The following CENPE variants were observed in gnomAD, a reference collection of about 807,000 sequenced individuals.
CENPE encodes centromere protein E.
Under a neutral mutation model 336.1 loss-of-function variants are expected in CENPE, and 145 were observed. That is an observed-to-expected ratio of 0.43 (90% CI 0.38 to 0.50). The LOEUF is 0.50. Among genes scored for constraint, CENPE ranks in the 20% least tolerant of loss-of-function variants. The pLI is 0.00. For missense variants in CENPE, 2,719 were observed against 3,023.3 expected, an observed-to-expected ratio of 0.90 and a Z score of 2.36; for synonymous variants, 1,013 against 984.8, an observed-to-expected ratio of 1.03 and a Z score of -0.54.
intron 16 of CENPE, among the ~76,000 whole-genome samples, chr4:103,168,778 A>G (rs1362207368): frequency 1.3e-5 from 2 of 152,182 alleles, no homozygotes; most frequent in Non-Finnish European, 2.9e-5. Context: ...ACCTAAAGAG[A>G]AAGGTGTCCA....
intron 16 of CENPE, among the ~76,000 whole-genome samples, chr4:103,167,521 C>G (rs1197638314): frequency 6.6e-6 from 1 of 151,948 alleles, no homozygotes; most frequent in South Asian, 2.1e-4. Context: ...AAAAAAAAAT[C>G]TTTAAGACAA....
intron 40 of CENPE, among the ~76,000 whole-genome samples, chr4:103,135,322 T>C (rs1276384027): frequency 2.6e-5 from 4 of 152,202 alleles, no homozygotes; most frequent in Admixed American, 2.0e-4. Context: ...TGTTCCATCA[T>C]AGGTATTTCA....
intron 8 of CENPE, among the ~76,000 whole-genome samples, chr4:103,188,062 T>A (rs199740467): frequency 6.6e-6 from 1 of 151,962 alleles, no homozygotes; most frequent in Non-Finnish European, 1.5e-5. Context: ...CATTACATAA[T>A]GGTAAAGGGA....
intron 15 of CENPE, 122 bp from the exon 16 acceptor site, chr4:103,175,025 C>A (rs1755737721): frequency 1.7e-6 from 1 of 582,380 alleles, no homozygotes; most frequent in East Asian, 3.5e-5. Flanking sequence ...TAAAGTTCTA[C>A]ATTTTGGCAA....
chr4:103,121,110 C>T (rs184911632), intron 43 of CENPE, among the ~76,000 whole-genome samples: 13 of 152,256 alleles, frequency 8.5e-5, no homozygotes, highest in African/African-American at 2.9e-4. Flanking sequence ...TAAGTCTCCC[C>T]ATCTCAGACC....
Position 103,146,091 on chromosome 4 carries a change from C to G in CENPE, c.4151G>C (p.Ser1384Thr), listed in dbSNP as rs761143187. Reference protein sequence around the residue: ...ETLAKIQESQSKQEQSLNMKE... With the variant: ...ETLAKIQESQTKQEQSLNMKE... ...CATATTTAAGGACTGTTCTTGTTTG[C>G]TTTGAGACTCCTGGATCTTAAGAGA... Residue 1384 changes from serine to threonine, a missense_variant, in exon 30 of 49, where the codon AGC becomes ACC. Around this residue, in one of 5 missense-constraint regions of CENPE, gnomAD observed 2,437 missense variants for 2,513.3 expected, o/e 0.97. Transcript: ENST00000265148. 1 of 1,612,980 alleles carries G rather than the reference C, an allele frequency of 6.2e-7. No individual in the cohort carries two copies. Among genetic ancestry groups the G allele is most frequent in the Non-Finnish European group, 8.5e-7 (1 of 1,179,654 alleles).
intron 45 of CENPE, among the ~76,000 whole-genome samples, chr4:103,115,451 C>T (rs1245101321): frequency 6.6e-6 from 1 of 152,046 alleles, no homozygotes; most frequent in Admixed American, 6.5e-5. Flanking sequence ...CCCTATTCTA[C>T]AAGTAAAATT....
chr4:103,122,097 G>A (rs1372963000), intron 43 of CENPE, among the ~76,000 whole-genome samples: 1 of 152,062 alleles, frequency 6.6e-6, no homozygotes, highest in Non-Finnish European at 1.5e-5. Context: ...TACTATATTG[G>A]TAGATGGATT....
chr4:103,149,959 A>G (rs1217002078), intron 26 of CENPE, among the ~76,000 whole-genome samples: 1 of 152,234 alleles, frequency 6.6e-6, no homozygotes, highest in African/African-American at 2.4e-5. Context: ...TGGCAGCCCT[A>G]GGAAACTGAT....
intron 24 of CENPE, among the ~76,000 whole-genome samples, chr4:103,156,136 C>T (rs1363077222): frequency 6.6e-6 from 1 of 152,080 alleles, no homozygotes; most frequent in East Asian, 1.9e-4. Context: ...GATTAGAAGA[C>T]AATATTTTTA....
intron 35 of CENPE, among the ~76,000 whole-genome samples, 164 bp from the exon 36 acceptor site, chr4:103,141,268 C>T (rs902161756): frequency 3.9e-5 from 6 of 152,086 alleles, no homozygotes; most frequent in Non-Finnish European, 7.4e-5. Flanking sequence ...ATATATAAAG[C>T]ATGCTCATCT....
chr4:103,159,068 A>T lies in CENPE; in HGVS notation c.2543T>A (p.Val848Asp). ...EENERMNQEI[V>D]NLSKEAQKFD... ...TTTTTGGGCTTCTTTAGAGAGATTA[A>T]CTATTTCCTGATTCATTCTCTCATT... Residue 848 changes from valine (V) to aspartate (D), a missense_variant, in exon 22 of 49, where the codon GTT (valine) becomes GAT (aspartate). By Grantham distance (152) the Val-to-Asp change is radical (BLOSUM62 -3). Around this residue, in one of 5 missense-constraint regions of CENPE, gnomAD observed 2,437 missense variants for 2,513.3 expected, o/e 0.97. Transcript: ENST00000265148. 6.4e-7 allele frequency: 1 copy of T among 1,557,772 alleles called. No individual in the cohort carries two copies. The highest frequency in any genetic ancestry group is 8.6e-7 in the Non-Finnish European group (1 of 1,159,284).
rs2126059684 is a variant in CENPE, at chr4:103,195,158, C to A, written c.433G>T (p.Gly145Cys). 6.3e-7 allele frequency: 1 copy of A among 1,592,928 alleles called. No homozygotes were observed. The highest frequency in any genetic ancestry group is 8.5e-7 in the Non-Finnish European group (1 of 1,172,858). The change falls in exon 5 of 49, where the codon GGC becomes TGC. Residue 145 changes from glycine to cysteine, a missense_variant. This residue lies in a region of CENPE where 106 missense variants were observed against 189.3 expected (regional missense o/e 0.56). Transcript: ENST00000265148. ...ATTAAAGGTTTCATTTTTTGAGTGC[C>A]ACAGAGTAAATCTGTAATGGTTTCA... ...YNETITDLLCGTQKMKPLIIR... is the reference protein window; with the variant it reads ...YNETITDLLCCTQKMKPLIIR...
Position 103,110,564 on chromosome 4 carries a change from T to C in CENPE, c.7724+264A>G, listed in dbSNP as rs527570239. 3.9e-5 allele frequency among the ~76,000 whole-genome samples: 6 copies of C among 152,294 alleles called. No individual in the cohort carries two copies. The South Asian group carries it at 1.0e-3, about 26-fold the overall frequency. ...TTGGGTATATGGACTTGTGGTGTAT[T>C]TCAGCTGCCCCCTCAAAGGTCTTTG... On this transcript the variant is annotated intron_variant, in intron 47 of 48. Transcript: ENST00000265148.
chr4:103,132,755 C>A lies in CENPE; in HGVS notation c.6862G>T (p.Gly2288Cys). 1 of 1,575,084 alleles carries A rather than the reference C, an allele frequency of 6.3e-7. No individual in the cohort carries two copies. The highest frequency in any genetic ancestry group is 1.1e-5 in the South Asian group (1 of 88,074). Reference protein sequence around the residue: ...TRFDIEKLKNGIQKENDRICQ... With the variant: ...TRFDIEKLKNCIQKENDRICQ... ...ATCCTATCATTTTCTTTCTGGATGC[C>A]ATTTTTAAGCTTTTCTATATCAAAA... is the stretch of plus-strand genomic sequence containing the variant. Residue 2288 changes from glycine (G) to cysteine (C), a missense_variant, in exon 42 of 49, where the codon GGC becomes TGC. Coordinates refer to ENST00000265148, the MANE Select transcript of CENPE (RefSeq NM_001813.3).
intron 29 of CENPE, 35 bp downstream of exon 29, chr4:103,147,321 C>A: frequency 6.5e-7 from 1 of 1,529,484 alleles, no homozygotes; most frequent in Non-Finnish European, 8.9e-7. Flanking sequence ...TCTTATAAGA[C>A]ACTTGTTAAA....
chr4:103,111,955 G>A (rs2623076), intron 46 of CENPE, among the ~76,000 whole-genome samples: 24,172 of 151,330 alleles, frequency 0.16, 2,334 homozygotes, highest in Non-Finnish European at 0.2. Context: ...ACAACTTTCG[G>A]TTTGATCTTT....
intron 33 of CENPE, 125 bp from the exon 34 acceptor site, chr4:103,143,531 A>G (rs1752743783): frequency 1.5e-6 from 1 of 664,474 alleles, no homozygotes; most frequent in Non-Finnish European, 2.6e-6. Context: ...CTCACCCTCT[A>G]AGCTACTTTT....
chr4:103,109,084 T>C lies in CENPE; in HGVS notation c.7730A>G (p.Asn2577Ser), dbSNP rs751388982. The change falls in exon 48 of 49, where the codon AAT becomes AGT. Residue 2577 changes from asparagine (N) to serine (S), a missense_variant. Around this residue, in one of 5 missense-constraint regions of CENPE, gnomAD observed 2,437 missense variants for 2,513.3 expected, o/e 0.97. Transcript: ENST00000265148. ...TTTGACCTCATTGGAAAGATGCTGA[T>C]TATTGCTTAAATGTGGGGGAAGAAA... ...IKQKNELLSN[N>S]QHLSNEVKTW... The C allele has an allele frequency of 1.9e-6, 3 of 1,606,184 alleles. No individual in the cohort carries two copies. Among genetic ancestry groups the C allele is most frequent in the Non-Finnish European group, 2.5e-6 (3 of 1,176,518 alleles).
Sources: gnomAD v4.1 joint callset for allele counts (sites outside exome capture counted in the v4.1 genomes callset) on GRCh38, gnomAD v4.1.1 for gene constraint, gnomAD v4.1.1 regional missense constraint, MANE v1.5 for transcripts, NCBI Gene and HGNC (gene_info 2026-07-23, HGNC 2026-07-21) for gene names.